The following CCDC157 variants were observed in gnomAD, a reference collection of about 807,000 sequenced individuals.
The protein encoded by CCDC157 is coiled-coil domain containing 157, also known as coiled-coil domain-containing protein 157.
CCDC157 carries 60 observed loss-of-function variants against 70.9 expected under a neutral mutation model. The ratio of observed to expected loss-of-function variants is 0.85; its 90% confidence interval spans 0.69 to 1.05. CCDC157 has a LOEUF of 1.05. Ranked by LOEUF, CCDC157 falls within the 50% of genes least tolerant of loss-of-function variation. The pLI is 0.00. For synonymous variants in CCDC157, 373 were observed against 422.4 expected, an observed-to-expected ratio of 0.88 and a Z score of 1.43; for missense variants, 943 against 984.2, an observed-to-expected ratio of 0.96 and a Z score of 0.56.
chr22:30,372,054 C>G (rs1322848637), intron 6 of CCDC157, 21 bp from the exon 7 acceptor site: 25 of 1,483,402 alleles, frequency 1.7e-5, no homozygotes, highest in Non-Finnish European at 2.3e-5. Flanking sequence ...TACCCCATCC[C>G]ATGTCCACTT....
intron 2 of CCDC157, 111 bp from the exon 3 acceptor site, chr22:30,365,879 T>C (rs1364177640): frequency 1.9e-6 from 2 of 1,069,430 alleles, no homozygotes; most frequent in Admixed American, 2.3e-5. Context: ...CCCCAGGGTC[T>C]GGGGTGAACT....
rs769470471 is a variant in CCDC157, at chr22:30,372,117, C to T, written c.1166C>T (p.Ala389Val). The T allele has an allele frequency of 5.1e-5, 80 of 1,557,336 alleles. No homozygotes were observed. The highest frequency in any genetic ancestry group is 2.2e-4 in the Middle Eastern group (1 of 4,494). ...QQLQEEGERR[A>V]AAERQVQQLE... ...CTGCAGGAGGAAGGTGAGCGCAGGG[C>T]GGCAGCGGAGAGGCAGGTGCAGCAG... The change falls in exon 7 of 12, where the codon GCG (alanine) becomes GTG (valine). Residue 389 changes from alanine to valine, a missense_variant. Coordinates refer to ENST00000338306, the MANE Select transcript of CCDC157 (RefSeq NM_001017437.5).
intron 10 of CCDC157, 194 bp from the exon 11 acceptor site, chr22:30,376,065 A>G (rs1366973774): frequency 1.0e-5 from 6 of 582,400 alleles, no homozygotes; most frequent in South Asian, 2.2e-5. Flanking sequence ...ACCTCCCCAC[A>G]CTTGCTGCCT....
rs141177384 is a variant in CCDC157, at chr22:30,376,267, G to A, written c.1866G>A (p.Pro622=). 26 of 1,442,322 alleles carry A rather than the reference G, an allele frequency of 1.8e-5. No individual in the cohort carries two copies. In the East Asian group the frequency reaches 3.4e-4, roughly 19 times the overall value. 89.3% of individuals were successfully genotyped at this position (1,442,322 alleles called of 1,614,324 possible). A position where few individuals can be genotyped will look rare whatever the true frequency, so the allele number is the denominator to read the frequency against. ...VAQQGGLKLI[P]QDRLWSPSSK... ...TTTTTTTTTTTTTGTAGCTGATCCC[G>A]CAGGACCGGCTCTGGTCCCCTTCCA... Residue 622 remains proline (P), a synonymous_variant, in exon 11 of 12, where the codon CCG becomes CCA. Coordinates refer to ENST00000338306, the MANE Select transcript of CCDC157 (RefSeq NM_001017437.5).
chr22:30,357,512 TC>T (rs1307329412), intron 1 of CCDC157, among the ~76,000 whole-genome samples: 1 of 152,108 alleles, frequency 6.6e-6, no homozygotes, highest in South Asian at 2.1e-4. Context: ...CTTTCTTTTT[TC>T]TTTTTTTCTG....
rs1390162552 is a variant in CCDC157 at position 30,373,600 on chromosome 22, C to A, written c.1339C>A (p.Leu447Met). The change falls in exon 8 of 12, where the codon CTG becomes ATG. Residue 447 changes from leucine (L) to methionine (M), a missense_variant. Coordinates refer to ENST00000338306, the MANE Select transcript of CCDC157 (RefSeq NM_001017437.5). ...CTGCTTGTCCGTTCCTGCTTAGTCT[C>A]TGCAGGCCAAGCAGCGAGCCCTGCT... ...VDSMVRHQESLQAKQRALLKQ... is the reference protein window; with the variant it reads ...VDSMVRHQESMQAKQRALLKQ... 1 of 1,553,934 alleles carries A rather than the reference C, an allele frequency of 6.4e-7. No homozygotes were observed. The highest frequency in any genetic ancestry group is 1.2e-5 in the South Asian group (1 of 84,346).
chr22:30,371,833 G>A, intron 6 of CCDC157, 106 bp downstream of exon 6: 5 of 1,075,110 alleles, frequency 4.7e-6, no homozygotes, highest in Non-Finnish European at 7.0e-6. Flanking sequence ...AAAGTTGAAG[G>A]GAACCAGCCA....
At position 30,371,647 on chromosome 22, in the gene CCDC157, T is replaced by C. The variant is rs947000259; in HGVS notation, c.1046-3T>C. 1.2e-6 allele frequency: 2 copies of C among 1,613,528 alleles called. No individual in the cohort carries two copies. The highest frequency in any genetic ancestry group is 1.7e-5 in the Admixed American group (1 of 60,016). On this transcript the variant is annotated splice_region_variant and splice_polypyrimidine_tract_variant and intron_variant, in intron 5 of 11. Transcript: ENST00000338306. ...TGAAGGGCCTCTCTCTTGGCTGCCA[T>C]AGAAACAAGTGACCTAAAGACAAAG...
upstream of CCDC157, chr22:30,356,826 G>GT (rs1334990837): frequency 3.8e-6 from 5 of 1,318,434 alleles, no homozygotes; most frequent in South Asian, 9.8e-5. Flanking sequence ...GTCCGCCTCG[G>GT]TGTCGGTGAG....
In CCDC157 at chr22:30,375,657, C is replaced by A; in HGVS notation, c.1851C>A (p.Gly617=). The A allele has an allele frequency of 6.2e-7, 1 of 1,612,530 alleles. No homozygotes were observed. Among genetic ancestry groups the A allele is most frequent in the Non-Finnish European group, 8.5e-7 (1 of 1,179,188 alleles). Residue 617 remains glycine (G), a synonymous_variant, in exon 10 of 12, where the codon GGC becomes GGA. Transcript: ENST00000338306. ...TCCGGGAAGTGGCCCAGCAGGGTGG[C>A]CTCAAGGTGGGCCTGAGAGGGCGGG... The part of the protein sequence containing the change: ...SKIREVAQQG[G]LKLIPQDRLW...
In CCDC157 at chr22:30,362,119, G is replaced by A. The variant is rs75385757; in HGVS notation, c.-12+5G>A. On this transcript the variant is annotated splice_donor_5th_base_variant and intron_variant, in intron 2 of 11. Transcript: ENST00000338306. ...CGGGCAGACACCTGCACAGAGGTAA[G>A]GGGAAAGCCCCATCTTCTGGGAGGG... 2.3e-3 allele frequency: 351 copies of A among 152,562 alleles called. 10 individuals are homozygous for A. In the East Asian group the frequency reaches 0.058, roughly 25 times the overall value. The allele number at this position is 152,562 out of a possible 1,614,324, so 9.5% of individuals were successfully genotyped here.
Position 30,365,998 on chromosome 22 carries a change from A to T in CCDC157, c.-3A>T, listed in dbSNP as rs1321752477. ...TTCTCTGCTCACCCCAGGATCTGTG[A>T]GGATGGCGCACCTGCTGGGCAGCCA... On this transcript the variant is annotated 5_prime_UTR_variant, in exon 3 of 12. Transcript: ENST00000338306. The T allele has an allele frequency of 6.3e-7, 1 of 1,586,930 alleles. No homozygotes were observed. Among genetic ancestry groups the T allele is most frequent in the Admixed American group, 1.7e-5 (1 of 57,198 alleles).
At chr22:30,359,017 G>A (rs1398034370) in intron 1 of CCDC157, among the ~76,000 whole-genome samples, 2 of 152,184 alleles carry the variant, frequency 1.3e-5, no homozygotes, top group Non-Finnish European at 2.9e-5. Flanking sequence ...TCTGATCCAG[G>A]ATCTACTGGG....
At chr22:30,371,277 A>G (rs1022483691) in intron 5 of CCDC157, 11 of 487,606 alleles carry the variant, frequency 2.3e-5, no homozygotes, top group African/African-American at 2.1e-4. Flanking sequence ...TTCCCCTGGC[A>G]CTTCCAGCCA....
At chr22:30,356,979 C>A, upstream of CCDC157, 1 of 478,614 alleles carries the variant, frequency 2.1e-6, no homozygotes, top group Non-Finnish European at 3.3e-6. Context: ...TCCCGCCCCT[C>A]CCCGCGGGCA....
chr22:30,370,831 A>G lies in CCDC157; in HGVS notation c.926A>G (p.Lys309Arg), dbSNP rs563598346. ...EAEGQKDGLR[K>R]QAGKLEQALK... ...GAAGGGCAGAAGGATGGCCTGAGGA[A>G]GCAGGCGGGCAAGCTGGAGCAGGCG... The change falls in exon 5 of 12, where the codon AAG (lysine) becomes AGG (arginine). Residue 309 changes from lysine (K) to arginine (R), a missense_variant. Lys to Arg is a conservative substitution (Grantham distance 26). Coordinates refer to ENST00000338306, the MANE Select transcript of CCDC157 (RefSeq NM_001017437.5). The G allele has an allele frequency of 6.8e-6, 11 of 1,612,916 alleles. No homozygotes were observed. The highest frequency in any genetic ancestry group is 3.5e-4 in the Middle Eastern group (2 of 5,756).
chr22:30,372,637 G>C (rs1361325012), intron 7 of CCDC157: 1 of 220,536 alleles, frequency 4.5e-6, no homozygotes, highest in Non-Finnish European at 8.9e-6. Flanking sequence ...GGTGGCCTTT[G>C]AGCTGGACGC....
At chr22:30,373,388 C>T (rs535331065) in intron 7 of CCDC157, 10 of 586,624 alleles carry the variant, frequency 1.7e-5, no homozygotes, top group African/African-American at 3.8e-5. Context: ...GGATCCTGGC[C>T]TTGACCAGGT....
intron 9 of CCDC157, chr22:30,374,366 C>T (rs768622451): frequency 8.1e-6 from 5 of 617,312 alleles, no homozygotes; most frequent in South Asian, 7.7e-5. Context: ...GTTGTCCCCA[C>T]AGCCTGTGCT....
Sources: allele counts gnomAD v4.1 joint callset (sites outside exome capture counted in the v4.1 genomes callset), GRCh38; gene constraint gnomAD v4.1.1; transcripts MANE v1.5; gene names NCBI Gene and HGNC (gene_info 2026-07-23, HGNC 2026-07-21).